Variants in OR8G1 observed in about 807,000 individuals in gnomAD.
The protein encoded by OR8G1 is olfactory receptor 8G1.
For missense variants in OR8G1, 372 were observed against 356.2 expected (o/e 1.04, Z -0.36); for synonymous variants, 129 against 133.3 (o/e 0.97, Z 0.22).
chr11:124,245,364 A>G (rs1298075907), intron 1 of OR8G1, among the ~76,000 whole-genome samples: 2 of 151,136 alleles, frequency 1.3e-5, no homozygotes, highest in Non-Finnish European at 2.9e-5. Context: ...TTATGGCTGC[A>G]TAGTATTCCA....
At position 124,251,364 on chromosome 11, in the gene OR8G1, CTTACTT is replaced by C. The variant is rs1861865699; in HGVS notation, c.*755_*760del. 47 of 37,748 alleles carry C rather than the reference CTTACTT, an allele frequency of 1.2e-3. 13 individuals are homozygous for C. Among genetic ancestry groups the C allele is most frequent in the South Asian group, 5.9e-3 (3 of 510 alleles). The allele number at this position is 37,748 out of a possible 1,614,324, so 2.3% of individuals were successfully genotyped here. ...ATAGGAAAGCCATATGTATGTCATA[CTTACTT>C]TATCTATTTATCTCTCGAAGAGCTA... On this transcript the variant is annotated 3_prime_UTR_variant, in exon 3 of 3. Coordinates refer to ENST00000641972, the MANE Select transcript of OR8G1 (RefSeq NM_001002905.2).
intron 2 of OR8G1, 76 bp from the exon 3 acceptor site, chr11:124,249,584 C>A: frequency 7.0e-7 from 1 of 1,429,838 alleles, no homozygotes; most frequent in Non-Finnish European, 9.2e-7. Context: ...ATCTGGGAAC[C>A]TTTTCTCAAT....
rs1455943547 is a variant in OR8G1, at chr11:124,251,503, A to C, written c.*892A>C. On this transcript the variant is annotated 3_prime_UTR_variant, in exon 3 of 3. Transcript: ENST00000641972. ...AATATAACTGGTAACATTCTGACCT[A>C]TTCTATGCTAAGATGTATGTGTATT... is the stretch of plus-strand genomic sequence containing the variant. The C allele has an allele frequency of 8.6e-6, 5 of 584,746 alleles. 1 individual carries two copies. The South Asian group carries it at 1.1e-4, about 12-fold the overall frequency. The allele number at this position is 584,746 out of a possible 1,614,324, so 36.2% of individuals were successfully genotyped here.
chr11:124,248,734 AAGAAG>A (rs1334899837), intron 2 of OR8G1, among the ~76,000 whole-genome samples: 2 of 152,016 alleles, frequency 1.3e-5, no homozygotes, highest in Non-Finnish European at 2.9e-5. Context: ...CAAAAGTTAA[AAGAAG>A]AGAAAAAAAA....
At position 124,250,890 on chromosome 11, in the gene OR8G1, C is replaced by T; in HGVS notation, c.*279C>T. The T allele has an allele frequency of 6.7e-6, 1 of 149,636 alleles. No homozygotes were observed. Among genetic ancestry groups the T allele is most frequent in the Non-Finnish European group, 1.2e-5 (1 of 81,602 alleles). 9.3% of individuals were successfully genotyped at this position (149,636 alleles called of 1,614,324 possible). ...CCATGTTCTTACCTCTTTTCTTTTA[C>T]ACAATTGATAAAATTCAGCTCAGTT... On this transcript the variant is annotated 3_prime_UTR_variant, in exon 3 of 3. Coordinates refer to ENST00000641972, the MANE Select transcript of OR8G1 (RefSeq NM_001002905.2).
intron 2 of OR8G1, among the ~76,000 whole-genome samples, chr11:124,248,371 T>A (rs1047020823): frequency 1.3e-5 from 2 of 151,828 alleles, no homozygotes; most frequent in African/African-American, 4.8e-5. Flanking sequence ...TGGTTTTTTG[T>A]TTGTTTGCTT....
Position 124,247,051 on chromosome 11 carries a change from A to T in OR8G1, c.-96-750A>T, listed in dbSNP as rs762295596. On this transcript the variant is annotated intron_variant, in intron 1 of 2. Coordinates refer to ENST00000641972, the MANE Select transcript of OR8G1 (RefSeq NM_001002905.2). ...GTTCAGATGGAAATTTATAACTTATATGTACACATTAGAAAAGAATAAAAG... is the reference window on the plus strand; with the variant it reads ...GTTCAGATGGAAATTTATAACTTATTTGTACACATTAGAAAAGAATAAAAG... Among the ~76,000 whole-genome samples the T allele has an allele frequency of 5.9e-5, 9 of 151,830 alleles. No individual in the cohort carries two copies. In the South Asian group the frequency reaches 1.9e-3, roughly 31 times the overall value.
At chr11:124,246,940 A>G (rs1046362393) in intron 1 of OR8G1, among the ~76,000 whole-genome samples, 1 of 151,188 alleles carries the variant, frequency 6.6e-6, no homozygotes, top group Non-Finnish European at 1.5e-5. Context: ...CGATGAAAAA[A>G]CTGAAACAAA....
chr11:124,244,584 AAG>A (rs1861794187), intron 1 of OR8G1, among the ~76,000 whole-genome samples: 1 of 147,884 alleles, frequency 6.8e-6, no homozygotes, highest in African/African-American at 2.5e-5. Flanking sequence ...ATGACAAAAA[AAG>A]TTCCCTGATT....
intron 1 of OR8G1, among the ~76,000 whole-genome samples, chr11:124,246,882 G>T (rs922955927): frequency 3.2e-4 from 1 of 3,104 alleles, no homozygotes; most frequent in Admixed American, 2.9e-3. Context: ...AAAAAAAAAG[G>T]CCCCACATCT....
chr11:124,246,927 C>G (rs2512234), intron 1 of OR8G1, among the ~76,000 whole-genome samples: 76,683 of 149,062 alleles, frequency 0.51, 20,334 homozygotes, highest in South Asian at 0.7. Flanking sequence ...ATAATCCTTG[C>G]AACGATGAAA....
chr11:124,247,627 G>C (rs1861824393), intron 1 of OR8G1, among the ~76,000 whole-genome samples, 174 bp from the exon 2 acceptor site: 1 of 151,802 alleles, frequency 6.6e-6, no homozygotes, highest in South Asian at 2.1e-4. Flanking sequence ...TTTGAGATTT[G>C]TGTTATTGCA....
intron 1 of OR8G1, among the ~76,000 whole-genome samples, chr11:124,243,825 T>G (rs912668972): frequency 6.6e-6 from 1 of 151,956 alleles, no homozygotes; most frequent in African/African-American, 2.4e-5. Flanking sequence ...TAATGATGGC[T>G]GAATAAAAGA....
At position 124,254,170 on chromosome 11, in the gene OR8G1, G is replaced by T. The variant is rs778716263; in HGVS notation, c.*3559G>T. 2 of 152,054 alleles carry T rather than the reference G, an allele frequency of 1.3e-5. No individual in the cohort carries two copies. The highest frequency in any genetic ancestry group is 2.9e-5 in the Non-Finnish European group (2 of 68,002). The allele number at this position is 152,054 out of a possible 1,614,324, so 9.4% of individuals were successfully genotyped here. A position where few individuals can be genotyped will look rare whatever the true frequency, so the allele number is the denominator to read the frequency against. On this transcript the variant is annotated 3_prime_UTR_variant, in exon 3 of 3. Coordinates refer to ENST00000641972, the MANE Select transcript of OR8G1 (RefSeq NM_001002905.2). ...TACATTCCCATAAACAGCATGTAAT[G>T]GTTCACTTTCCTCCACATCCTCTCC...
intron 1 of OR8G1, among the ~76,000 whole-genome samples, chr11:124,242,093 T>C (rs1263888382): frequency 6.6e-6 from 1 of 151,808 alleles, no homozygotes; most frequent in African/African-American, 2.4e-5. Flanking sequence ...ATATTTTTAT[T>C]ATTATTATAC....
intron 1 of OR8G1, among the ~76,000 whole-genome samples, chr11:124,243,563 T>C (rs563483241): frequency 6.6e-6 from 1 of 152,100 alleles, no homozygotes; most frequent in South Asian, 2.1e-4. Flanking sequence ...AGTATTTCTC[T>C]TCTTCTTAAC....
chr11:124,241,753 A>G (rs1223133827), intron 1 of OR8G1, among the ~76,000 whole-genome samples: 2 of 152,146 alleles, frequency 1.3e-5, no homozygotes, highest in African/African-American at 2.4e-5. Flanking sequence ...AAGACTATCT[A>G]ATGTAAAAGA....
rs1391607129 is a variant in OR8G1, at chr11:124,249,828, C to T, written c.153C>T (p.Leu51=). 14 of 1,613,900 alleles carry T rather than the reference C, an allele frequency of 8.7e-6. No homozygotes were observed. The highest frequency in any genetic ancestry group is 1.3e-5 in the African/African-American group (1 of 74,888). Residue 51 remains leucine, a synonymous_variant, in exon 3 of 3, where the codon CTC becomes CTT. Transcript: ENST00000641972. The part of the protein sequence containing the change: ...GNLGMTTLIW[L]SSHLHTPMYY... ...TGGGCATGACCACACTGATTTGGCT[C>T]AGTTCTCACCTGCACACCCCTATGT...
chr11:124,250,247 G>A lies in OR8G1; in HGVS notation c.572G>A (p.Ser191Asn). ...LLPLLKLSCS[S>N]IYVNKLLILC... ...CCCCTCCTAAAGCTCTCTTGCTCTA[G>A]TATCTATGTCAACAAACTACTTATT... Residue 191 changes from serine to asparagine, a missense_variant, in exon 3 of 3, where the codon AGT (serine) becomes AAT (asparagine). Transcript: ENST00000641972. 6.2e-7 allele frequency: 1 copy of A among 1,613,676 alleles called. No individual in the cohort carries two copies. Among genetic ancestry groups the A allele is most frequent in the Non-Finnish European group, 8.5e-7 (1 of 1,179,796 alleles).
Sources: gnomAD v4.1 joint callset for allele counts (sites outside exome capture counted in the v4.1 genomes callset) on GRCh38, gnomAD v4.1.1 for gene constraint, MANE v1.5 for transcripts, NCBI Gene and HGNC (gene_info 2026-07-23, HGNC 2026-07-21) for gene names.